The following MIS18A variants were observed in gnomAD, a reference collection of about 807,000 sequenced individuals.
The protein encoded by MIS18A is protein Mis18-alpha.
Under a neutral mutation model 25.0 loss-of-function variants are expected in MIS18A, and 14 were observed. That is an observed-to-expected ratio of 0.56 (90% CI 0.37 to 0.88). The LOEUF is 0.88. Ranked by LOEUF, MIS18A falls within the 40% of genes least tolerant of loss-of-function variation. The pLI is 0.00. For missense variants in MIS18A, 292 were observed against 290.8 expected, an observed-to-expected ratio of 1.00 and a Z score of -0.03; for synonymous variants, 134 against 118.6, an observed-to-expected ratio of 1.13 and a Z score of -0.84.
chr21:32,229,710 C>T, the MIS18A span, among the ~76,000 whole-genome samples: 1 of 152,162 alleles, frequency 6.6e-6, no homozygotes, highest in African/African-American at 2.4e-5. Context: ...ACATATTGGT[C>T]AATTCTTTGC....
the MIS18A span, among the ~76,000 whole-genome samples, chr21:32,239,635 G>A: frequency 6.6e-6 from 1 of 152,174 alleles, no homozygotes; most frequent in East Asian, 1.9e-4. Context: ...AAGAAAAATG[G>A]ATTCTTTGAC....
At chr21:32,241,710 CAT>C in the MIS18A span, among the ~76,000 whole-genome samples, 1 of 141,926 alleles carries the variant, frequency 7.0e-6, no homozygotes, top group Non-Finnish European at 1.5e-5. Flanking sequence ...AAAAGACACA[CAT>C]GTCAACCCTT....
chr21:32,215,681 C>T, the MIS18A span, among the ~76,000 whole-genome samples: 2 of 152,074 alleles, frequency 1.3e-5, no homozygotes, highest in African/African-American at 4.8e-5. Context: ...TCTTTCTTGC[C>T]CTCTTACTCA....
chr21:32,252,203 GAGA>G, the MIS18A span, among the ~76,000 whole-genome samples: 1,340 of 119,066 alleles, frequency 0.011, 24 homozygotes, highest in Non-Finnish European at 0.015. Flanking sequence ...GGAAGAGGAG[GAGA>G]AGAAGAAGAA....
At chr21:32,256,415 A>G in the MIS18A span, among the ~76,000 whole-genome samples, 7 of 152,128 alleles carry the variant, frequency 4.6e-5, no homozygotes, top group East Asian at 1.4e-3. Context: ...CTCTCACTTG[A>G]GCCTCGTGGC....
the MIS18A span, chr21:32,261,181 A>C: frequency 6.6e-6 from 1 of 152,258 alleles, no homozygotes; most frequent in Non-Finnish European, 1.5e-5. Context: ...CCCTGCATAC[A>C]TCATTATGCC....
At chr21:32,201,649 T>C in the MIS18A span, among the ~76,000 whole-genome samples, 5 of 151,960 alleles carry the variant, frequency 3.3e-5, no homozygotes, top group South Asian at 2.1e-4. Flanking sequence ...AGTGAGCCCC[T>C]GTTTCTACAT....
chr21:32,203,221 C>T, the MIS18A span, among the ~76,000 whole-genome samples: 363 of 150,504 alleles, frequency 2.4e-3, 8 homozygotes, highest in East Asian at 1.2e-3. Flanking sequence ...GTCAATTATC[C>T]TAAGAGGAAC....
the MIS18A span, among the ~76,000 whole-genome samples, chr21:32,197,169 G>A: frequency 4.6e-5 from 7 of 152,334 alleles, no homozygotes; most frequent in African/African-American, 7.2e-5. Context: ...GTTCAGTTCC[G>A]ATCCCTCGGG....
the MIS18A span, among the ~76,000 whole-genome samples, chr21:32,245,417 G>A: frequency 6.6e-6 from 1 of 152,230 alleles, no homozygotes; most frequent in Non-Finnish European, 1.5e-5. Context: ...GTGTGAAGCT[G>A]AGCCCTTTAA....
chr21:32,214,905 T>C, the MIS18A span, among the ~76,000 whole-genome samples: 1 of 152,142 alleles, frequency 6.6e-6, no homozygotes, highest in Non-Finnish European at 1.5e-5. Flanking sequence ...TTCCCCCAGG[T>C]AAGTCCAGTG....
the MIS18A span, among the ~76,000 whole-genome samples, chr21:32,244,581 C>A: frequency 2.0e-5 from 3 of 151,958 alleles, no homozygotes; most frequent in South Asian, 2.1e-4. Context: ...TACAAAAAAT[C>A]AAAAAAGTAG....
At chr21:32,170,712 AATAG>A in the MIS18A span, among the ~76,000 whole-genome samples, 1 of 152,066 alleles carries the variant, frequency 6.6e-6, no homozygotes, top group Non-Finnish European at 1.5e-5. Flanking sequence ...TATATTATAG[AATAG>A]ATATAGAATA....
chr21:32,218,034 A>G, the MIS18A span, among the ~76,000 whole-genome samples: 25 of 151,828 alleles, frequency 1.6e-4, no homozygotes, highest in African/African-American at 5.8e-4. Flanking sequence ...TCTACTAAAA[A>G]TATAAAAAAT....
At chr21:32,217,015 GA>G in the MIS18A span, among the ~76,000 whole-genome samples, 2 of 152,016 alleles carry the variant, frequency 1.3e-5, no homozygotes, top group Admixed American at 6.6e-5. Context: ...GTGAAGATCT[GA>G]TTTCCAGAGT....
the MIS18A span, among the ~76,000 whole-genome samples, chr21:32,197,509 G>C: frequency 1.3e-5 from 2 of 152,162 alleles, no homozygotes; most frequent in African/African-American, 4.8e-5. Flanking sequence ...CAATATTTCT[G>C]GTTCACTTGT....
chr21:32,200,610 A>AT, the MIS18A span, among the ~76,000 whole-genome samples: 19 of 149,616 alleles, frequency 1.3e-4, no homozygotes, highest in African/African-American at 3.9e-4. Flanking sequence ...ATTTTTTTGT[A>AT]TTTTTTTTTA....
chr21:32,231,236 GAAA>G, the MIS18A span, among the ~76,000 whole-genome samples: 2 of 85,242 alleles, frequency 2.3e-5, no homozygotes, highest in Admixed American at 1.4e-4. Context: ...ACCCTGTCTC[GAAA>G]AAAAAAAAAA....
the MIS18A span, among the ~76,000 whole-genome samples, chr21:32,209,295 C>T: frequency 0.13 from 19,255 of 152,088 alleles, 1,488 homozygotes; most frequent in African/African-American, 0.2. Flanking sequence ...CTAGTGATTT[C>T]GACAGGTTAA....
Sources: gnomAD v4.1 joint callset for allele counts (sites outside exome capture counted in the v4.1 genomes callset) on GRCh38, gnomAD v4.1.1 for gene constraint, MANE v1.5 for transcripts, NCBI Gene and HGNC (gene_info 2026-07-23, HGNC 2026-07-21) for gene names.